ADAM12: variants seen among roughly 807,000 people sequenced by gnomAD.
ADAM12 encodes the protein disintegrin and metalloproteinase domain-containing protein 12.
Under a neutral mutation model 106.4 loss-of-function variants are expected in ADAM12, and 70 were observed. The ratio of observed to expected loss-of-function variants is 0.66; its 90% CI spans 0.54 to 0.80. ADAM12 has a LOEUF of 0.80. Ranked by LOEUF, ADAM12 falls within the 30% of genes least tolerant of loss-of-function variation. ADAM12 has a pLI of 0.00. For missense variants in ADAM12, 1,010 were observed against 1,171.9 expected (o/e 0.86, Z 2.02); for synonymous variants, 420 against 433.5 (o/e 0.97, Z 0.39).
At chr10:126,194,351 T>G (rs1038810963) in intron 3 of ADAM12, among the ~76,000 whole-genome samples, 1 of 150,298 alleles carries the variant, frequency 6.7e-6, no homozygotes, top group Non-Finnish European at 1.5e-5. Context: ...AGAAGAATCC[T>G]TTAAGCTTTC....
At chr10:126,256,907 GAAT>G (rs76641223) in intron 3 of ADAM12, among the ~76,000 whole-genome samples, 2,825 of 146,348 alleles carry the variant, frequency 0.019, 92 homozygotes, top group African/African-American at 0.065. Context: ...CTTTGGATGG[GAAT>G]AATAATAATA....
intron 21 of ADAM12, among the ~76,000 whole-genome samples, chr10:126,029,765 G>A (rs1454430129): frequency 6.6e-6 from 1 of 152,194 alleles, no homozygotes; most frequent in East Asian, 1.9e-4. Flanking sequence ...TCTTAAACCT[G>A]TGAAAAGGTA....
At position 126,289,754 on chromosome 10, in the gene ADAM12, G is replaced by T. The variant is rs536491532; in HGVS notation, c.187-10766C>A. Among the ~76,000 whole-genome samples, 7 of 152,304 alleles carry T rather than the reference G, an allele frequency of 4.6e-5. No homozygotes were observed. The South Asian group carries it at 6.2e-4, about 14-fold the overall frequency. ...CCATTTAAGAGGCTACAGTAGGAGGGGCCTCAGGCTAGAAGGCTACGGTCA... is the reference window on the plus strand; with the variant it reads ...CCATTTAAGAGGCTACAGTAGGAGGTGCCTCAGGCTAGAAGGCTACGGTCA... On this transcript the variant is annotated intron_variant, in intron 2 of 22. Coordinates refer to ENST00000448723, the MANE Select transcript of ADAM12 (RefSeq NM_001288973.2).
intron 1 of ADAM12, among the ~76,000 whole-genome samples, chr10:126,360,629 A>T (rs566436912): frequency 1.3e-5 from 2 of 152,192 alleles, no homozygotes; most frequent in African/African-American, 2.4e-5. Flanking sequence ...TTCATTGTCC[A>T]TATCACTATC....
chr10:126,206,973 C>T (rs1275380457), intron 3 of ADAM12, among the ~76,000 whole-genome samples: 1 of 151,966 alleles, frequency 6.6e-6, no homozygotes, highest in East Asian at 1.9e-4. Flanking sequence ...GGGGAGTTTC[C>T]CTGCACAAGC....
chr10:126,218,057 G>A (rs1958020729), intron 3 of ADAM12, among the ~76,000 whole-genome samples: 1 of 151,740 alleles, frequency 6.6e-6, no homozygotes, highest in South Asian at 2.1e-4. Flanking sequence ...ACGTAAATAA[G>A]GATTTTTTGG....
intron 21 of ADAM12, among the ~76,000 whole-genome samples, chr10:126,027,415 T>TA (rs35918077): frequency 0.24 from 35,509 of 150,348 alleles, 4,811 homozygotes; most frequent in East Asian, 0.42. Flanking sequence ...CTGGGAGAGA[T>TA]AAAAAAAAAC....
At chr10:126,029,405 G>A (rs1021071934) in intron 21 of ADAM12, among the ~76,000 whole-genome samples, 1 of 152,230 alleles carries the variant, frequency 6.6e-6, no homozygotes, top group Non-Finnish European at 1.5e-5. Context: ...ATACTATGCA[G>A]CCATAAAAAG....
intron 14 of ADAM12, among the ~76,000 whole-genome samples, chr10:126,057,433 T>G (rs1191805612): frequency 6.6e-6 from 1 of 151,624 alleles, no homozygotes; most frequent in Admixed American, 6.6e-5. Context: ...TCTTATCCAG[T>G]TGGCCAGGGT....
At chr10:126,299,504 G>A (rs1590750050) in intron 2 of ADAM12, among the ~76,000 whole-genome samples, 1 of 152,302 alleles carries the variant, frequency 6.6e-6, no homozygotes, top group South Asian at 2.1e-4. Context: ...ACATGGCAGA[G>A]CCAAACCCTG....
chr10:126,021,201 G>T (rs1953760868), intron 21 of ADAM12, among the ~76,000 whole-genome samples: 1 of 152,084 alleles, frequency 6.6e-6, no homozygotes, highest in Non-Finnish European at 1.5e-5. Flanking sequence ...CAGAATGTCT[G>T]TTGGAAATGG....
At chr10:126,316,245 T>C (rs1051268192) in intron 2 of ADAM12, among the ~76,000 whole-genome samples, 2 of 152,204 alleles carry the variant, frequency 1.3e-5, no homozygotes, top group East Asian at 3.8e-4. Flanking sequence ...GGGCAAAATA[T>C]CTCTATCACT....
At chr10:126,235,377 C>G (rs1277552056) in intron 3 of ADAM12, among the ~76,000 whole-genome samples, 1 of 152,202 alleles carries the variant, frequency 6.6e-6, no homozygotes. Context: ...TACTCCAGAG[C>G]AAGAGAGGAC....
chr10:126,089,888 CCT>C (rs1477864507), intron 11 of ADAM12, among the ~76,000 whole-genome samples: 1 of 152,182 alleles, frequency 6.6e-6, no homozygotes, highest in African/African-American at 2.4e-5. Flanking sequence ...CCCCATGTTT[CCT>C]CTCTTTGTCC....
chr10:126,388,020 C>G lies in ADAM12; in HGVS notation c.88+38G>C. The G allele has an allele frequency of 8.4e-7, 1 of 1,197,342 alleles. No homozygotes were observed. Among genetic ancestry groups the G allele is most frequent in the Non-Finnish European group, 1.0e-6 (1 of 965,632 alleles). 74.2% of individuals were successfully genotyped at this position (1,197,342 alleles called of 1,614,324 possible). ...CAGGCGCAGCGTGCGGTGCCCTCGG[C>G]GGGGCGGGCAGCGAGCCGCCCTAGT... On this transcript the variant is annotated intron_variant, in intron 1 of 22. Coordinates refer to ENST00000448723, the MANE Select transcript of ADAM12 (RefSeq NM_001288973.2). This position sits in a 1 kb window ranked among gnomAD's most constrained non-coding sequence, Gnocchi z 4.4.
At chr10:126,299,654 T>C (rs189507566) in intron 2 of ADAM12, among the ~76,000 whole-genome samples, 4 of 152,294 alleles carry the variant, frequency 2.6e-5, no homozygotes, top group Admixed American at 6.5e-5. Context: ...CAGCTTTTTT[T>C]TTTCTTTTTT....
At chr10:126,307,370 T>C (rs975535135) in intron 2 of ADAM12, among the ~76,000 whole-genome samples, 3 of 152,124 alleles carry the variant, frequency 2.0e-5, no homozygotes, top group African/African-American at 4.8e-5. Context: ...CTGCCTTTTT[T>C]TGAGATGGAG....
chr10:126,046,010 A>T (rs1432794485), intron 17 of ADAM12, 45 bp downstream of exon 17: 4 of 1,541,126 alleles, frequency 2.6e-6, no homozygotes, highest in South Asian at 1.1e-5. Flanking sequence ...ATTATTACTT[A>T]ACTTGTTATG....
chr10:126,317,724 G>A (rs1248411854), intron 2 of ADAM12, among the ~76,000 whole-genome samples: 3 of 152,084 alleles, frequency 2.0e-5, no homozygotes, highest in African/African-American at 7.2e-5. Context: ...CATCCATAAA[G>A]AGCCAAATTC....
Sources: allele counts gnomAD v4.1 joint callset (sites outside exome capture counted in the v4.1 genomes callset), GRCh38; gene constraint gnomAD v4.1.1; non-coding constraint Gnocchi (gnomAD v3.1); transcripts MANE v1.5; gene names NCBI Gene and HGNC (gene_info 2026-07-23, HGNC 2026-07-21).